Variants in PDE1C observed in about 807,000 individuals in gnomAD.
PDE1C encodes dual specificity calcium/calmodulin-dependent 3',5'-cyclic nucleotide phosphodiesterase 1C.
In PDE1C, 62 loss-of-function variants were observed where a neutral mutation model predicts 93.1. The ratio of observed to expected loss-of-function variants is 0.67; its 90% CI spans 0.54 to 0.82. PDE1C has a LOEUF of 0.82. Ranked by LOEUF, PDE1C falls within the 40% of genes least tolerant of loss-of-function variation. The pLI is 0.00. For synonymous variants in PDE1C, 325 were observed against 310.1 expected, an observed-to-expected ratio of 1.05 and a Z score of -0.50; for missense variants, 742 against 884.6, an observed-to-expected ratio of 0.84 and a Z score of 2.04.
chr7:31,981,524 C>T (rs976009970), intron 2 of PDE1C, among the ~76,000 whole-genome samples: 21 of 152,142 alleles, frequency 1.4e-4, no homozygotes, highest in Admixed American at 1.2e-3. Flanking sequence ...ACAAATCTCC[C>T]TGGATTTTCA....
chr7:31,959,441 T>C (rs1808612044), intron 2 of PDE1C, among the ~76,000 whole-genome samples: 1 of 152,198 alleles, frequency 6.6e-6, no homozygotes, highest in African/African-American at 2.4e-5. Flanking sequence ...CTTAAACTCC[T>C]GGCCTCAAGT....
intron 2 of PDE1C, among the ~76,000 whole-genome samples, chr7:31,955,961 G>T (rs996602400): frequency 1.6e-4 from 24 of 152,310 alleles, no homozygotes; most frequent in African/African-American, 5.8e-4. Flanking sequence ...TGACCTGGAG[G>T]TTTTCGGTGA....
chr7:32,283,067 T>C (rs1811776375), intron 1 of PDE1C, among the ~76,000 whole-genome samples: 1 of 152,174 alleles, frequency 6.6e-6, no homozygotes, highest in Non-Finnish European at 1.5e-5. Flanking sequence ...ACTCAACAAT[T>C]CCTAAGGCAA....
chr7:31,713,374 T>C, the PDE1C span, among the ~76,000 whole-genome samples: 40 of 152,374 alleles, frequency 2.6e-4, no homozygotes, highest in Middle Eastern at 3.4e-3. Flanking sequence ...TGGGCTCCCA[T>C]GGCCTTGGGC....
intron 17 of PDE1C, among the ~76,000 whole-genome samples, chr7:31,756,992 T>C (rs1794509724): frequency 1.3e-5 from 2 of 152,160 alleles, no homozygotes; most frequent in Admixed American, 1.3e-4. Context: ...AAAAACCAGC[T>C]CTGCACATCT....
the PDE1C span, among the ~76,000 whole-genome samples, chr7:31,704,401 C>G: frequency 6.6e-6 from 1 of 152,294 alleles, no homozygotes; most frequent in Non-Finnish European, 1.5e-5. Flanking sequence ...AGACTTTGGA[C>G]TGGCAGTCTT....
At chr7:32,171,630 T>C (rs1364530631) in intron 2 of PDE1C, among the ~76,000 whole-genome samples, 1 of 151,446 alleles carries the variant, frequency 6.6e-6, no homozygotes, top group African/African-American at 2.4e-5. Context: ...ATTCCCTAAA[T>C]AATACAATAA....
intron 2 of PDE1C, among the ~76,000 whole-genome samples, chr7:31,895,580 TTCTCTCTCTCTC>T (rs60958547): frequency 1.4e-5 from 2 of 144,804 alleles, no homozygotes; most frequent in East Asian, 2.1e-4. Flanking sequence ...TTTCTCTCTT[TTCTCTCTCTCTC>T]TCTCTCTCTC....
intron 2 of PDE1C, among the ~76,000 whole-genome samples, chr7:31,966,037 GA>G (rs1809895055): frequency 1.3e-5 from 2 of 152,330 alleles, no homozygotes; most frequent in Non-Finnish European, 2.9e-5. Flanking sequence ...AGGCTAGGAA[GA>G]AACTGCATCA....
At chr7:31,665,222 A>G in the PDE1C span, among the ~76,000 whole-genome samples, 2 of 152,138 alleles carry the variant, frequency 1.3e-5, no homozygotes, top group Non-Finnish European at 2.9e-5. Context: ...CATTGCTGGT[A>G]TCTTCTCATT....
At chr7:31,887,128 T>C (rs1156782358) in intron 2 of PDE1C, among the ~76,000 whole-genome samples, 1 of 152,164 alleles carries the variant, frequency 6.6e-6, no homozygotes, top group East Asian at 1.9e-4. Context: ...GGTCTGATAC[T>C]CTGAACAGCA....
chr7:32,154,898 C>T (rs1584869044), intron 3 of PDE1C, among the ~76,000 whole-genome samples: 1 of 152,354 alleles, frequency 6.6e-6, no homozygotes. Flanking sequence ...TCCTAGTTCT[C>T]CAGCCCAGCA....
chr7:32,171,118 A>G (rs1288480256), intron 2 of PDE1C, among the ~76,000 whole-genome samples: 1 of 152,208 alleles, frequency 6.6e-6, no homozygotes, highest in African/African-American at 2.4e-5. Context: ...CCGTAACATG[A>G]CATGGAAGCC....
chr7:31,967,613 G>A (rs1810225864), intron 2 of PDE1C, among the ~76,000 whole-genome samples: 1 of 152,140 alleles, frequency 6.6e-6, no homozygotes, highest in South Asian at 2.1e-4. Context: ...CTTTTTATGA[G>A]GCCAGCATCA....
intron 5 of PDE1C, among the ~76,000 whole-genome samples, chr7:31,876,159 T>A (rs1373785191): frequency 6.6e-6 from 1 of 152,026 alleles, no homozygotes; most frequent in African/African-American, 2.4e-5. Flanking sequence ...AAAATCAGCC[T>A]CTGGAGAAGT....
At chr7:31,946,709 A>G (rs1806662548) in intron 2 of PDE1C, among the ~76,000 whole-genome samples, 1 of 151,978 alleles carries the variant, frequency 6.6e-6, no homozygotes, top group African/African-American at 2.4e-5. Context: ...AGCCTTCACA[A>G]CCTCCACACT....
chr7:32,299,048 C>T (rs1364462802), exon 1 of PDE1C: 1 of 1,148,658 alleles, frequency 8.7e-7, no homozygotes, highest in Admixed American at 5.1e-5. Flanking sequence ...GTGGACGGGG[C>T]TGACCGGTGG....
At chr7:32,290,633 C>T (rs371659953) in intron 1 of PDE1C, among the ~76,000 whole-genome samples, 9 of 152,284 alleles carry the variant, frequency 5.9e-5, no homozygotes, top group Admixed American at 3.3e-4. Context: ...TTCTGTATCA[C>T]TTGCCTTTCC....
chr7:31,808,388 C>T (rs1391536596), intron 16 of PDE1C: 1 of 241,618 alleles, frequency 4.1e-6, no homozygotes, highest in Admixed American at 4.3e-5. Context: ...AAGGCCAGGG[C>T]AGGTGTTTCA....
Sources: allele counts gnomAD v4.1 joint callset (sites outside exome capture counted in the v4.1 genomes callset), GRCh38; gene constraint gnomAD v4.1.1; transcripts MANE v1.5; gene names NCBI Gene and HGNC (gene_info 2026-07-23, HGNC 2026-07-21).